FRMPD3: variants seen among roughly 807,000 people sequenced by gnomAD.
The protein encoded by FRMPD3 is FERM and PDZ domain-containing protein 3.
A neutral mutation model predicts 97.9 loss-of-function variants in FRMPD3; 42 were observed. The ratio of observed to expected loss-of-function variants is 0.43; its 90% CI spans 0.34 to 0.55. The LOEUF is 0.55. FRMPD3 is among the 20% of genes least tolerant of loss of function. FRMPD3 has a pLI of 0.03. For missense variants in FRMPD3, 1,303 were observed against 1,457.7 expected, an observed-to-expected ratio of 0.89 and a Z score of 1.73; for synonymous variants, 577 against 581.1, an observed-to-expected ratio of 0.99 and a Z score of 0.10.
intron 3 of FRMPD3, 27 bp from the exon 4 acceptor site, chrX:107,533,478 C>T: frequency 8.4e-7 from 1 of 1,184,769 alleles, no homozygotes; most frequent in Non-Finnish European, 1.1e-6. Context: ...TGATACACTA[C>T]TCTCCTATTC....
At position 107,600,723 on chromosome X, in the gene FRMPD3, C is replaced by T; in HGVS notation, c.2684C>T (p.Ser895Phe). 1 of 1,203,162 alleles carries T rather than the reference C, an allele frequency of 8.3e-7. No homozygotes were observed. The highest frequency in any genetic ancestry group is 1.1e-6 in the Non-Finnish European group (1 of 891,412). ...GAACAGAAGAATCTGAGTCTGCTGT[C>T]CCCAGTTCCTGAGGACAAAGGGCCT... Reference protein sequence around the residue: ...LSEQKNLSLLSPVPEDKGPGH... With the variant: ...LSEQKNLSLLFPVPEDKGPGH... Residue 895 changes from serine to phenylalanine, a missense_variant, in exon 15 of 15, where the codon TCC (serine) becomes TTC (phenylalanine). This residue lies in a region of FRMPD3 where 764 missense variants were observed against 820.2 expected (regional missense o/e 0.93). Transcript: ENST00000683843.
At chrX:107,563,041 G>T (rs761263252) in intron 10 of FRMPD3, 70 bp from the exon 11 acceptor site, 173 of 859,634 alleles carry the variant, frequency 2.0e-4, no homozygotes, top group Non-Finnish European at 2.7e-4. Flanking sequence ...GAGACTCCTC[G>T]TTGAGAACAT....
intron 2 of FRMPD3, among the ~76,000 whole-genome samples, chrX:107,528,918 C>G (rs530705773): frequency 1.8e-5 from 2 of 112,759 alleles, no homozygotes; most frequent in South Asian, 7.3e-4. Context: ...AGCACATAGG[C>G]TCTACACTCC....
intron 1 of FRMPD3, among the ~76,000 whole-genome samples, chrX:107,492,597 G>C (rs1921686285): frequency 2.7e-5 from 3 of 111,943 alleles, no homozygotes; most frequent in African/African-American, 9.8e-5. Context: ...CCAAAGTGTG[G>C]TCTGAGGATG....
chrX:107,459,786 C>T (rs1249967704), intron 1 of FRMPD3, among the ~76,000 whole-genome samples: 1 of 112,031 alleles, frequency 8.9e-6, no homozygotes, highest in East Asian at 2.8e-4. Flanking sequence ...CAGGCTTCTC[C>T]TTGCTTCTGA....
intron 5 of FRMPD3, among the ~76,000 whole-genome samples, chrX:107,547,900 G>A (rs965432403): frequency 9.0e-6 from 1 of 111,660 alleles, no homozygotes; most frequent in Non-Finnish European, 1.9e-5. Context: ...TGCCACCACT[G>A]GGATCCGGGG....
chrX:107,452,483 G>A (rs1221630234), intron 1 of FRMPD3, among the ~76,000 whole-genome samples: 2 of 112,385 alleles, frequency 1.8e-5, no homozygotes, highest in African/African-American at 3.2e-5. Context: ...ACCAGGGAGA[G>A]GAGACTGGCC....
intron 1 of FRMPD3, among the ~76,000 whole-genome samples, chrX:107,486,765 TC>T (rs1311960730): frequency 4.5e-5 from 5 of 111,962 alleles, no homozygotes; most frequent in Non-Finnish European, 9.4e-5. Context: ...AAATCTCTAT[TC>T]CTTAAGAGGA....
chrX:107,513,738 G>T (rs1323857909), intron 1 of FRMPD3, among the ~76,000 whole-genome samples: 1 of 112,223 alleles, frequency 8.9e-6, no homozygotes, highest in African/African-American at 3.2e-5. Flanking sequence ...GCATGTAAAG[G>T]CCAGAGGATT....
In FRMPD3 at chrX:107,485,397, A is replaced by T. The variant is rs144014307; in HGVS notation, c.-8+35392A>T. On this transcript the variant is annotated intron_variant, in intron 1 of 14. Coordinates refer to ENST00000683843, the MANE Select transcript of FRMPD3 (RefSeq NM_001388459.1). ...GAGGCCAAGGAAAGAGTTCCCAAAC[A>T]AGCATGTCCCAGCTACTGAGAAGGA... 3.4e-3 allele frequency among the ~76,000 whole-genome samples: 380 copies of T among 112,536 alleles called. 4 individuals carry two copies. Among genetic ancestry groups the T allele is most frequent in the African/African-American group, 0.012 (360 of 30,980 alleles).
chrX:107,536,703 C>A (rs2147561180), intron 4 of FRMPD3, among the ~76,000 whole-genome samples: 1 of 112,199 alleles, frequency 8.9e-6, no homozygotes, highest in South Asian at 3.7e-4. Flanking sequence ...ATTGCTGGAT[C>A]AAATAGTAAG....
chrX:107,602,749 C>G lies in FRMPD3; in HGVS notation c.4710C>G (p.Phe1570Leu). The G allele has an allele frequency of 1.7e-6, 2 of 1,209,469 alleles. No homozygotes were observed. Among genetic ancestry groups the G allele is most frequent in the South Asian group, 1.8e-5 (1 of 56,847 alleles). The change falls in exon 15 of 15, where the codon TTC (phenylalanine) becomes TTG (leucine). Residue 1570 changes from phenylalanine (F) to leucine (L), a missense_variant. Coordinates refer to ENST00000683843, the MANE Select transcript of FRMPD3 (RefSeq NM_001388459.1). Reference protein sequence around the residue: ...TQEIDLRVSTFEGSLAKINAL... With the variant: ...TQEIDLRVSTLEGSLAKINAL... ...AGATTGACCTCCGTGTGTCCACCTT[C>G]GAGGGGAGCCTGGCCAAGATCAATG...
chrX:107,574,275 A>G (rs904077201), intron 12 of FRMPD3, among the ~76,000 whole-genome samples: 3 of 109,794 alleles, frequency 2.7e-5, no homozygotes, highest in Non-Finnish European at 3.8e-5. Context: ...CCCTGTCTCT[A>G]TTGAAAAAAA....
chrX:107,550,011 T>C lies in FRMPD3; in HGVS notation c.403-38T>C, dbSNP rs1290653916. 5.4e-6 allele frequency: 5 copies of C among 923,458 alleles called. No individual in the cohort carries two copies. In the East Asian group the frequency reaches 1.6e-4, roughly 29 times the overall value. The allele number at this position is 923,458 out of a possible 1,213,427, so 76.1% of individuals were successfully genotyped here. A position where few individuals can be genotyped will look rare whatever the true frequency, so the allele number is the denominator to read the frequency against. On this transcript the variant is annotated intron_variant, in intron 5 of 14. Transcript: ENST00000683843. ...CTCTGGCTTCCTACTTCCTTCTAAATGAGCCGGTCTCCTTGTCCTTTCCCT... is the reference window on the plus strand; with the variant it reads ...CTCTGGCTTCCTACTTCCTTCTAAACGAGCCGGTCTCCTTGTCCTTTCCCT...
chrX:107,550,282 G>T, intron 6 of FRMPD3, 126 bp downstream of exon 6: 2 of 487,281 alleles, frequency 4.1e-6, no homozygotes, highest in Non-Finnish European at 7.1e-6. Flanking sequence ...TTTAAGCTCT[G>T]GATGCTTGTT....
At position 107,604,568 on chromosome X, in the gene FRMPD3, C is replaced by A; in HGVS notation, c.*1195C>A. 8.9e-6 allele frequency: 1 copy of A among 112,665 alleles called. No individual in the cohort carries two copies. The highest frequency in any genetic ancestry group is 3.0e-4 in the South Asian group (1 of 3,324). The allele number at this position is 112,665 out of a possible 1,213,427, so 9.3% of individuals were successfully genotyped here. A position where few individuals can be genotyped will look rare whatever the true frequency, so the allele number is the denominator to read the frequency against. ...GCTGCCACCACCACCGCCACCACCG[C>A]TGCCAACCCTCCCCCCACGCCCCCC... On this transcript the variant is annotated 3_prime_UTR_variant, in exon 15 of 15. Transcript: ENST00000683843.
At chrX:107,568,276 G>A (rs186122625) in intron 12 of FRMPD3, among the ~76,000 whole-genome samples, 2,694 of 107,924 alleles carry the variant, frequency 0.025, 44 homozygotes, top group Admixed American at 0.055. Context: ...TGCACAATGT[G>A]CAGGTTTGTT....
intron 1 of FRMPD3, among the ~76,000 whole-genome samples, chrX:107,493,457 A>G (rs950764333): frequency 8.9e-6 from 1 of 111,836 alleles, no homozygotes; most frequent in African/African-American, 3.3e-5. Context: ...GCTAAAGCTC[A>G]GGATTTGAGC....
chrX:107,557,379 A>G (rs905292437), intron 8 of FRMPD3, among the ~76,000 whole-genome samples: 3 of 109,835 alleles, frequency 2.7e-5, no homozygotes, highest in Admixed American at 9.7e-5. Flanking sequence ...TGTTAGATAT[A>G]TTATTTGCAA....
Sources: allele counts gnomAD v4.1 joint callset (sites outside exome capture counted in the v4.1 genomes callset), GRCh38; gene constraint gnomAD v4.1.1; regional missense constraint gnomAD v4.1.1; transcripts MANE v1.5; gene names NCBI Gene and HGNC (gene_info 2026-07-23, HGNC 2026-07-21).